TNC: variants seen among roughly 807,000 people sequenced by gnomAD.
TNC encodes tenascin C.
TNC carries 109 observed loss-of-function variants against 202.4 expected under a neutral mutation model. The ratio of observed to expected loss-of-function variants is 0.54; its 90% CI spans 0.46 to 0.63. The LOEUF (loss-of-function observed/expected upper bound fraction) is 0.63. Ranked by LOEUF, TNC falls within the 30% of genes least tolerant of loss-of-function variation. The pLI is 0.00. For synonymous variants in TNC, 1,007 were observed against 1,089.7 expected (o/e 0.92, Z 1.50); for missense variants, 2,756 against 2,833.3 (o/e 0.97, Z 0.62).
Position 115,064,633 on chromosome 9 carries a change from A to G in TNC, c.3487+14T>C, listed in dbSNP as rs1356745633. 6.3e-7 allele frequency: 1 copy of G among 1,582,242 alleles called. No homozygotes were observed. The highest frequency in any genetic ancestry group is 8.6e-7 in the Non-Finnish European group (1 of 1,161,596). On this transcript the variant is annotated intron_variant, in intron 11 of 27. Coordinates refer to ENST00000350763, the MANE Select transcript of TNC (RefSeq NM_002160.4). ...GGGAAAAACAGAAGCTATAAATAGA[A>G]AGGAAAGAGATACCTGTGGAGGCCT...
At chr9:115,111,069 C>T (rs552129278) in intron 1 of TNC, among the ~76,000 whole-genome samples, 231 of 152,002 alleles carry the variant, frequency 1.5e-3, no homozygotes, top group Non-Finnish European at 2.8e-3. Flanking sequence ...TTAGTAGAGA[C>T]GGGGTTTCAC....
chr9:115,068,274 A>G (rs1389503332), intron 10 of TNC, among the ~76,000 whole-genome samples: 1 of 152,220 alleles, frequency 6.6e-6, no homozygotes, highest in Non-Finnish European at 1.5e-5. Context: ...ACCCTTGAAC[A>G]ATGTCAGTGG....
chr9:115,043,827 T>G (rs1295271886), intron 17 of TNC, among the ~76,000 whole-genome samples: 1 of 152,256 alleles, frequency 6.6e-6, no homozygotes, highest in African/African-American at 2.4e-5. Flanking sequence ...CTCGCACTAT[T>G]GCTTTGACTG....
intron 15 of TNC, among the ~76,000 whole-genome samples, chr9:115,054,009 T>C (rs557561541): frequency 1.1e-4 from 17 of 152,340 alleles, no homozygotes; most frequent in African/African-American, 4.1e-4. Context: ...TAGATGTTTA[T>C]GGGGCTGGCC....
chr9:115,046,307 G>A (rs1588050588), intron 17 of TNC, 103 bp downstream of exon 17: 18 of 1,344,624 alleles, frequency 1.3e-5, no homozygotes, highest in Middle Eastern at 1.9e-4. Flanking sequence ...GGATCAGAGC[G>A]CCAGCCTGCC....
intron 1 of TNC, among the ~76,000 whole-genome samples, chr9:115,092,801 G>A (rs1835332536): frequency 6.7e-6 from 1 of 150,172 alleles, no homozygotes; most frequent in African/African-American, 2.5e-5. Context: ...CCCCAGGCTG[G>A]TCCCGAACTC....
chr9:115,032,141 T>G (rs1829998666), intron 22 of TNC, among the ~76,000 whole-genome samples: 1 of 152,130 alleles, frequency 6.6e-6, no homozygotes, highest in Admixed American at 6.5e-5. Flanking sequence ...TGGATGAGAT[T>G]AATATTTAAA....
At chr9:115,029,581 G>T in intron 24 of TNC, 125 bp from the exon 25 acceptor site, 4 of 951,538 alleles carry the variant, frequency 4.2e-6, no homozygotes, top group Middle Eastern at 2.9e-4. Flanking sequence ...TCCCTAATTT[G>T]CTATGTAACT....
In TNC at chr9:115,059,964, C is replaced by A; in HGVS notation, c.4072G>T (p.Val1358Phe). 1 of 1,614,018 alleles carries A rather than the reference C, an allele frequency of 6.2e-7. No individual in the cohort carries two copies. Among genetic ancestry groups the A allele is most frequent in the South Asian group, 1.1e-5 (1 of 91,056 alleles). ...TTGAGTCTGAGGCCATCCCAGCCAA[C>A]CTCAGACACGGCTAAATCTCCCAGC... ...PQLGDLAVSE[V>F]GWDGLRLNWT... The change falls in exon 14 of 28, where the codon GTT becomes TTT. Residue 1358 changes from valine (V) to phenylalanine (F), a missense_variant. Val to Phe is a conservative substitution (Grantham distance 50, BLOSUM62 -1). Around this residue, in one of 2 missense-constraint regions of TNC, gnomAD observed 2,559 missense variants for 2,546.0 expected, o/e 1.01. Coordinates refer to ENST00000350763, the MANE Select transcript of TNC (RefSeq NM_002160.4).
At chr9:115,047,855 T>C (rs1564435449) in intron 16 of TNC, among the ~76,000 whole-genome samples, 1 of 152,178 alleles carries the variant, frequency 6.6e-6, no homozygotes, top group Non-Finnish European at 1.5e-5. Context: ...GTTAAGATCA[T>C]GGTTGAGATT....
Position 115,076,037 on chromosome 9 carries a change from G to T in TNC, c.2945C>A (p.Ala982Asp). Residue 982 changes from alanine to aspartate, a missense_variant, in exon 9 of 28, where the codon GCC becomes GAC. Coordinates refer to ENST00000350763, the MANE Select transcript of TNC (RefSeq NM_002160.4). ...KESNPATINA[A>D]TELDTPKDLQ... ...GAATTCCAGGTGTGCCCCACCTGTG[G>T]CTGCGTTGATGGTCGCTGGATTGCT... 1 of 1,613,964 alleles carries T rather than the reference G, an allele frequency of 6.2e-7. No homozygotes were observed. Among genetic ancestry groups the T allele is most frequent in the Non-Finnish European group, 8.5e-7 (1 of 1,179,902 alleles).
At chr9:115,070,863 A>C (rs1168265265) in intron 10 of TNC, among the ~76,000 whole-genome samples, 1 of 152,192 alleles carries the variant, frequency 6.6e-6, no homozygotes, top group Non-Finnish European at 1.5e-5. Flanking sequence ...ATGCTTACCA[A>C]GGTCAGGTGC....
chr9:115,030,510 G>A (rs1370461998), intron 23 of TNC, 105 bp from the exon 24 acceptor site: 3 of 1,264,704 alleles, frequency 2.4e-6, no homozygotes, highest in Non-Finnish European at 3.2e-6. Flanking sequence ...GAATTTCCAG[G>A]TGCAATAATG....
chr9:115,077,733 C>A (rs530748539), intron 7 of TNC, among the ~76,000 whole-genome samples: 2 of 152,204 alleles, frequency 1.3e-5, no homozygotes, highest in South Asian at 4.1e-4. Flanking sequence ...ATGTCCCCCA[C>A]CCCCAAAAGT....
intron 2 of TNC, 29 bp downstream of exon 2, chr9:115,090,533 G>T: frequency 6.6e-7 from 1 of 1,521,180 alleles, no homozygotes; most frequent in Non-Finnish European, 8.9e-7. Flanking sequence ...TTTGCACAGT[G>T]TGGGACTGGG....
intron 21 of TNC, 167 bp downstream of exon 21, chr9:115,035,931 T>C: frequency 1.3e-6 from 1 of 760,078 alleles, no homozygotes; most frequent in Non-Finnish European, 2.1e-6. Context: ...GTGTGTTTCT[T>C]CAGGCCTTGA....
intron 1 of TNC, chr9:115,115,149 G>T (rs542609489): frequency 2.0e-5 from 3 of 152,308 alleles, no homozygotes; most frequent in African/African-American, 4.8e-5. Context: ...TTTATTGTTA[G>T]CATTAGAAAG....
Position 115,058,904 on chromosome 9 carries a change from C to T in TNC, c.4306+826G>A, listed in dbSNP as rs560574217. 6.6e-5 allele frequency among the ~76,000 whole-genome samples: 10 copies of T among 152,206 alleles called. 1 individual carries two copies. In the South Asian group the frequency reaches 1.5e-3, roughly 22 times the overall value. On this transcript the variant is annotated intron_variant, in intron 14 of 27. Transcript: ENST00000350763. Reference sequence around the variant, plus strand: ...AAGTCTTGTAACAGGGGTAGAGTGACGAGTAAACTATAATGCACCCTCCTG... The same window carrying T: ...AAGTCTTGTAACAGGGGTAGAGTGATGAGTAAACTATAATGCACCCTCCTG...
At chr9:115,096,066 C>A (rs1351160985) in intron 1 of TNC, among the ~76,000 whole-genome samples, 3 of 152,120 alleles carry the variant, frequency 2.0e-5, no homozygotes, top group African/African-American at 7.2e-5. Flanking sequence ...TTGTGTCAGA[C>A]TTTGCTTTCT....
Sources: gnomAD v4.1 joint callset for allele counts (sites outside exome capture counted in the v4.1 genomes callset) on GRCh38, gnomAD v4.1.1 for gene constraint, gnomAD v4.1.1 regional missense constraint, MANE v1.5 for transcripts, NCBI Gene and HGNC (gene_info 2026-07-23, HGNC 2026-07-21) for gene names.